The following FAM118A variants were observed in gnomAD, a reference collection of about 807,000 sequenced individuals.
FAM118A encodes the protein SIR2 antiphage like 2.
FAM118A carries 25 observed loss-of-function variants against 38.2 expected under a neutral mutation model. That is an observed-to-expected ratio of 0.65 (90% CI 0.48 to 0.91). FAM118A has a LOEUF of 0.91. Ranked by LOEUF, FAM118A falls within the 40% of genes least tolerant of loss-of-function variation. The pLI is 0.00. For synonymous variants in FAM118A, 178 were observed against 184.1 expected, an observed-to-expected ratio of 0.97 and a Z score of 0.27; for missense variants, 425 against 463.3, an observed-to-expected ratio of 0.92 and a Z score of 0.76.
intron 6 of FAM118A, 136 bp from the exon 7 acceptor site, chr22:45,335,214 T>G: frequency 1.2e-6 from 1 of 851,860 alleles, no homozygotes; most frequent in Non-Finnish European, 1.9e-6. Context: ...AGCGCAGGAG[T>G]CCGCAGCCCG....
intron 8 of FAM118A, among the ~76,000 whole-genome samples, chr22:45,339,853 C>T (rs2086359133): frequency 6.6e-6 from 1 of 152,176 alleles, no homozygotes; most frequent in East Asian, 1.9e-4. Flanking sequence ...GAGCATTGGG[C>T]AGGGGTTTTC....
intron 1 of FAM118A, among the ~76,000 whole-genome samples, chr22:45,320,446 T>C (rs1189254159): frequency 2.0e-5 from 3 of 150,736 alleles, no homozygotes; most frequent in Non-Finnish European, 4.4e-5. Context: ...TCTTTTTTTT[T>C]TTCTTTTTAA....
intron 4 of FAM118A, chr22:45,328,641 A>AG: frequency 1.7e-6 from 1 of 586,784 alleles, no homozygotes; most frequent in Admixed American, 3.0e-5. Flanking sequence ...TTAAAAAAAA[A>AG]AAAGTAATAA....
chr22:45,337,033 C>T (rs995194869), intron 8 of FAM118A, among the ~76,000 whole-genome samples: 2 of 152,222 alleles, frequency 1.3e-5, no homozygotes, highest in African/African-American at 2.4e-5. Flanking sequence ...TTGTTCGTGC[C>T]GGTCCCTCCC....
intron 7 of FAM118A, 44 bp downstream of exon 7, chr22:45,335,426 C>T: frequency 6.2e-7 from 1 of 1,605,592 alleles, no homozygotes; most frequent in Non-Finnish European, 8.5e-7. Context: ...TTTGCCTACA[C>T]ATTCCATTGT....
chr22:45,332,332 A>C (rs913907357), intron 5 of FAM118A, 93 bp from the exon 6 acceptor site: 11 of 1,328,152 alleles, frequency 8.3e-6, no homozygotes, highest in Non-Finnish European at 1.0e-5. Context: ...GTCAGGGAGC[A>C]GTGATGTAAA....
Position 45,332,524 on chromosome 22 carries a change from G to T in FAM118A, c.751G>T (p.Val251Leu). 4 of 1,614,088 alleles carry T rather than the reference G, an allele frequency of 2.5e-6. No individual in the cohort carries two copies. In the South Asian group the frequency reaches 4.4e-5, roughly 18 times the overall value. ...QIFQALFLYS[V>L]PNKVDLEHYM... is the part of the protein sequence containing the mutation. ...ATTCCAGGCCCTCTTTCTTTACTCC[G>T]TGCCGAATAAGGTGGATTTGGAGCA... The change falls in exon 6 of 9, where the codon GTG (valine) becomes TTG (leucine). Residue 251 changes from valine (V) to leucine (L), a missense_variant. By Grantham distance (32) the Val-to-Leu change is conservative. Transcript: ENST00000441876.
chr22:45,334,419 T>C (rs1324432898), intron 6 of FAM118A, among the ~76,000 whole-genome samples: 1 of 152,016 alleles, frequency 6.6e-6, no homozygotes, highest in Non-Finnish European at 1.5e-5. Flanking sequence ...ATCGCTAAAG[T>C]TTTTGTTGTT....
At chr22:45,321,419 T>G (rs916074168) in intron 1 of FAM118A, among the ~76,000 whole-genome samples, 2 of 152,194 alleles carry the variant, frequency 1.3e-5, no homozygotes, top group Non-Finnish European at 2.9e-5. Context: ...TTTTATTTAT[T>G]TTTTATTTTT....
intron 8 of FAM118A, chr22:45,337,771 C>A (rs766377566): frequency 8.4e-6 from 8 of 953,484 alleles, no homozygotes; most frequent in Non-Finnish European, 1.0e-5. Flanking sequence ...CTGCTAGTAC[C>A]TCCTGAGGCC....
chr22:45,339,590 G>A (rs959161376), intron 8 of FAM118A, among the ~76,000 whole-genome samples: 71 of 152,278 alleles, frequency 4.7e-4, no homozygotes, highest in African/African-American at 1.7e-3. Flanking sequence ...CTGGTGTTCT[G>A]TGAACTGTTT....
At chr22:45,323,944 C>T (rs1260418872) in intron 3 of FAM118A, among the ~76,000 whole-genome samples, 1 of 152,178 alleles carries the variant, frequency 6.6e-6, no homozygotes, top group Non-Finnish European at 1.5e-5. Flanking sequence ...GGGTCTGGTG[C>T]AGGGGAAGGT....
At chr22:45,336,201 G>C in intron 7 of FAM118A, 127 bp from the exon 8 acceptor site, 1 of 642,540 alleles carries the variant, frequency 1.6e-6, no homozygotes, top group Non-Finnish European at 2.7e-6. Flanking sequence ...CCGTAGCGTG[G>C]TTGATGTCAT....
intron 4 of FAM118A, chr22:45,329,611 T>C (rs1055575430): frequency 2.6e-5 from 4 of 152,278 alleles, no homozygotes; most frequent in Non-Finnish European, 5.9e-5. Context: ...CCCCGCTCTG[T>C]GTACAAAGAG....
At chr22:45,310,550 G>T (rs1026054222) in intron 1 of FAM118A, among the ~76,000 whole-genome samples, 1 of 152,064 alleles carries the variant, frequency 6.6e-6, no homozygotes, top group African/African-American at 2.4e-5. Flanking sequence ...CCTTAGCCCC[G>T]CGAGACCCCG....
intron 7 of FAM118A, 29 bp from the exon 8 acceptor site, chr22:45,336,299 A>G: frequency 6.3e-7 from 1 of 1,582,330 alleles, no homozygotes; most frequent in East Asian, 2.2e-5. Context: ...CTGAATAAAC[A>G]AGCTTCTTAA....
At chr22:45,331,536 G>A (rs1204154043) in intron 5 of FAM118A, among the ~76,000 whole-genome samples, 2 of 151,952 alleles carry the variant, frequency 1.3e-5, no homozygotes, top group Non-Finnish European at 2.9e-5. Flanking sequence ...CCCTACTCCC[G>A]GCTGTGAGGT....
At chr22:45,323,989 G>T (rs1465887247) in intron 3 of FAM118A, among the ~76,000 whole-genome samples, 1 of 152,244 alleles carries the variant, frequency 6.6e-6, no homozygotes, top group Non-Finnish European at 1.5e-5. Flanking sequence ...GTCAGCTATG[G>T]CGTGTGGCCA....
chr22:45,318,071 G>T (rs1046527482), intron 1 of FAM118A, among the ~76,000 whole-genome samples: 1 of 152,158 alleles, frequency 6.6e-6, no homozygotes, highest in African/African-American at 2.4e-5. Flanking sequence ...TTGGTAGCTT[G>T]TATTTTGCAT....
Sources: allele counts gnomAD v4.1 joint callset (sites outside exome capture counted in the v4.1 genomes callset), GRCh38; gene constraint gnomAD v4.1.1; transcripts MANE v1.5; gene names NCBI Gene and HGNC (gene_info 2026-07-23, HGNC 2026-07-21).